Variants in GFRA2 observed in about 807,000 individuals in gnomAD.
The protein encoded by GFRA2 is GDNF family receptor alpha-2.
GFRA2 carries 17 observed loss-of-function variants against 48.3 expected under a neutral mutation model. The observed-to-expected ratio is 0.35, with a 90% confidence interval of 0.24 to 0.53. The LOEUF (loss-of-function observed/expected upper bound fraction) is 0.53, where lower values mean the gene tolerates loss of function less well. GFRA2 is among the 20% of genes least tolerant of loss of function. The probability of loss-of-function intolerance (pLI) is 0.93; values close to 1 mark genes in which losing one functional copy is unlikely to be tolerated. For missense variants in GFRA2, 660 were observed against 637.3 expected (o/e 1.04, Z -0.38); for synonymous variants, 305 against 257.2 (o/e 1.19, Z -1.78).
rs754540853 is a variant in GFRA2, at chr8:21,750,729, C to T, written c.653G>A (p.Arg218His). ...GTCTTGGCAGGAGCAGAAGAGCATGCGGTAGGTGTACTCGCTGGGCACCCG... is the reference window on the plus strand; with the variant it reads ...GTCTTGGCAGGAGCAGAAGAGCATGTGGTAGGTGTACTCGCTGGGCACCCG... ...FDRVPSEYTY[R>H]MLFCSCQDQA... Residue 218 changes from arginine to histidine, a missense_variant, in exon 4 of 9, where the codon CGC becomes CAC. Physicochemically the swap from Arg to His is conservative, Grantham distance 29. Coordinates refer to ENST00000524240, the MANE Select transcript of GFRA2 (RefSeq NM_001495.5). This position sits in a 1 kb window ranked among gnomAD's most constrained non-coding sequence, Gnocchi z 5.7. 7 of 1,613,778 alleles carry T rather than the reference C, an allele frequency of 4.3e-6. No individual in the cohort carries two copies. The African/African-American group carries it at 5.3e-5, about 12-fold the overall frequency.
chr8:21,750,729 C>A lies in GFRA2; in HGVS notation c.653G>T (p.Arg218Leu), dbSNP rs754540853. ...FDRVPSEYTY[R>L]MLFCSCQDQA... ...GTCTTGGCAGGAGCAGAAGAGCATG[C>A]GGTAGGTGTACTCGCTGGGCACCCG... The change falls in exon 4 of 9, where the codon CGC (arginine) becomes CTC (leucine). Residue 218 changes from arginine to leucine, a missense_variant. Coordinates refer to ENST00000524240, the MANE Select transcript of GFRA2 (RefSeq NM_001495.5). This position sits in a 1 kb window ranked among gnomAD's most constrained non-coding sequence, Gnocchi z 5.7. 1 of 1,613,896 alleles carries A rather than the reference C, an allele frequency of 6.2e-7. No individual in the cohort carries two copies.
intron 2 of GFRA2, 127 bp downstream of exon 2, chr8:21,782,458 G>A (rs1807040717): frequency 1.4e-6 from 1 of 699,286 alleles, no homozygotes; most frequent in Non-Finnish European, 2.4e-6. Flanking sequence ...TCCCCTAGCA[G>A]GTAGACATAG....
rs751163714 is a variant in GFRA2 at position 21,693,347 on chromosome 8, G to T, written c.1326C>A (p.Gly442=). The change falls in exon 9 of 9, where the codon GGC becomes GGA. Residue 442 remains glycine, a synonymous_variant. Coordinates refer to ENST00000524240, the MANE Select transcript of GFRA2 (RefSeq NM_001495.5). ...CAGCCGACGGTCTGGCTCTGCTGGG[G>T]CCTGAGTTAGGTTTGATCACCTTGT... The part of the protein sequence containing the change: ...GSNKVIKPNS[G]PSRARPSAAL... The T allele has an allele frequency of 8.1e-6, 13 of 1,613,282 alleles. No homozygotes were observed. Among genetic ancestry groups the T allele is most frequent in the Non-Finnish European group, 1.1e-5 (13 of 1,179,522 alleles).
At chr8:21,792,779 A>G (rs1323531603), upstream of GFRA2, among the ~76,000 whole-genome samples, 3 of 152,338 alleles carry the variant, frequency 2.0e-5, no homozygotes, top group East Asian at 5.8e-4. Flanking sequence ...GAAAGTTCTC[A>G]GGAGGCTGGG....
intron 3 of GFRA2, among the ~76,000 whole-genome samples, chr8:21,754,669 C>G (rs553675185): frequency 1.4e-4 from 21 of 152,042 alleles, no homozygotes; most frequent in Non-Finnish European, 2.9e-5. Context: ...CCACTATACC[C>G]GGCTAATTTT....
chr8:21,732,602 G>A (rs1459055585), intron 4 of GFRA2, among the ~76,000 whole-genome samples: 1 of 152,248 alleles, frequency 6.6e-6, no homozygotes, highest in Admixed American at 6.5e-5. Context: ...GGAGGTGCAA[G>A]AGCACAGATC....
At chr8:21,703,724 C>T (rs1292572428) in intron 6 of GFRA2, among the ~76,000 whole-genome samples, 1 of 152,194 alleles carries the variant, frequency 6.6e-6, no homozygotes, top group East Asian at 1.9e-4. Context: ...CACTGGCAGC[C>T]CGCTGAGCTC....
At chr8:21,727,317 G>T (rs1220023709) in intron 4 of GFRA2, among the ~76,000 whole-genome samples, 1 of 152,068 alleles carries the variant, frequency 6.6e-6, no homozygotes. Context: ...ACCTCCCATG[G>T]GAGCCAGGGA....
At chr8:21,784,203 G>C (rs1222596134) in intron 1 of GFRA2, 1 of 437,534 alleles carries the variant, frequency 2.3e-6, no homozygotes, top group Non-Finnish European at 4.7e-6. Flanking sequence ...TCCTTTCAAA[G>C]CCAAGCTCCT....
intron 7 of GFRA2, among the ~76,000 whole-genome samples, chr8:21,695,941 T>C (rs1025990687): frequency 5.3e-5 from 8 of 152,098 alleles, no homozygotes; most frequent in Non-Finnish European, 4.4e-5. Context: ...CCTACTCTCA[T>C]TGTTTCAGGT....
At chr8:21,781,272 C>T (rs541197596) in intron 2 of GFRA2, among the ~76,000 whole-genome samples, 6 of 152,238 alleles carry the variant, frequency 3.9e-5, no homozygotes, top group Admixed American at 2.0e-4. Flanking sequence ...ATCTGATCAT[C>T]GCCCTTAAAA....
At chr8:21,756,986 A>C (rs1805601734) in intron 3 of GFRA2, among the ~76,000 whole-genome samples, 1 of 152,200 alleles carries the variant, frequency 6.6e-6, no homozygotes, top group Non-Finnish European at 1.5e-5. Context: ...TGCCCAAGGG[A>C]GAGGGAGGCG....
At chr8:21,805,631 T>G (rs1166725494) in intron 1 of GFRA2, among the ~76,000 whole-genome samples, 1 of 152,186 alleles carries the variant, frequency 6.6e-6, no homozygotes, top group Non-Finnish European at 1.5e-5. Context: ...GCAGTCAAAC[T>G]AGGGCTGGGA....
rs1411883989 is a variant in GFRA2 at position 21,767,076 on chromosome 8, A to G, written c.439+7896T>C. ...CACACGCATCACAGGCACCCCATAC[A>G]CTATCTCACACACACCCCACACACA... On this transcript the variant is annotated intron_variant, in intron 3 of 8. Coordinates refer to ENST00000524240, the MANE Select transcript of GFRA2 (RefSeq NM_001495.5). Among the ~76,000 whole-genome samples the G allele has an allele frequency of 3.4e-5, 5 of 148,184 alleles. No homozygotes were observed. In the East Asian group the frequency reaches 1.0e-3, roughly 30 times the overall value.
chr8:21,763,014 A>G (rs908955529), intron 3 of GFRA2, among the ~76,000 whole-genome samples: 2 of 152,230 alleles, frequency 1.3e-5, no homozygotes, highest in African/African-American at 4.8e-5. Context: ...AGCACCCATC[A>G]TAAGCTAAAC....
chr8:21,737,663 C>G (rs906898330), intron 4 of GFRA2, among the ~76,000 whole-genome samples: 1 of 152,160 alleles, frequency 6.6e-6, no homozygotes, highest in Admixed American at 6.5e-5. Flanking sequence ...CCTGCCTCCC[C>G]CTCCTGTCCT....
At chr8:21,698,384 G>A (rs1287409105) in intron 7 of GFRA2, among the ~76,000 whole-genome samples, 1 of 152,218 alleles carries the variant, frequency 6.6e-6, no homozygotes, top group Non-Finnish European at 1.5e-5. Flanking sequence ...TTCTCCCAGG[G>A]ATGCTCTGTT....
chr8:21,750,930 T>A lies in GFRA2; in HGVS notation c.452A>T (p.Asp151Val). Residue 151 changes from aspartate to valine, a missense_variant, in exon 4 of 9, where the codon GAC becomes GTC. Coordinates refer to ENST00000524240, the MANE Select transcript of GFRA2 (RefSeq NM_001495.5). This position sits in a 1 kb window ranked among gnomAD's most constrained non-coding sequence, Gnocchi z 5.7. Reference sequence around the variant, plus strand: ...GTTGCTCTTGGCGCTGACCACCGGGTCTGCCCCTGTCCCTGGAGGAGGAAC... The same window carrying A: ...GTTGCTCTTGGCGCTGACCACCGGGACTGCCCCTGTCCCTGGAGGAGGAAC... ...LASIFSGTGA[D>V]PVVSAKSNHC... The A allele has an allele frequency of 6.2e-7, 1 of 1,611,524 alleles. No homozygotes were observed. Among genetic ancestry groups the A allele is most frequent in the South Asian group, 1.1e-5 (1 of 90,846 alleles).
intron 3 of GFRA2, among the ~76,000 whole-genome samples, chr8:21,770,222 G>C (rs1806378092): frequency 6.6e-6 from 1 of 152,214 alleles, no homozygotes. Flanking sequence ...GGCACACACA[G>C]TTTCTAGAAT....
Sources: gnomAD v4.1 joint callset for allele counts (sites outside exome capture counted in the v4.1 genomes callset) on GRCh38, gnomAD v4.1.1 for gene constraint, Gnocchi (gnomAD v3.1) non-coding constraint, MANE v1.5 for transcripts, NCBI Gene and HGNC (gene_info 2026-07-23, HGNC 2026-07-21) for gene names.